Variants in LHFPL2 observed in about 807,000 individuals in gnomAD.
LHFPL2 encodes LHFPL tetraspan subfamily member 2, also known as LHFPL tetraspan subfamily member 2 protein.
In LHFPL2, 7 loss-of-function variants were observed where a neutral mutation model predicts 17.5. The observed-to-expected ratio is 0.40, with a 90% CI of 0.23 to 0.75. The LOEUF (loss-of-function observed/expected upper bound fraction) is 0.75. Ranked by LOEUF, LHFPL2 falls within the 30% of genes least tolerant of loss-of-function variation. The pLI is 0.37. For synonymous variants in LHFPL2, 134 were observed against 116.2 expected (o/e 1.15, Z -0.99); for missense variants, 241 against 294.8 (o/e 0.82, Z 1.34).
intron 4 of LHFPL2, among the ~76,000 whole-genome samples, chr5:78,507,680 G>C (rs1754972107): frequency 6.6e-6 from 1 of 152,058 alleles, no homozygotes; most frequent in Non-Finnish European, 1.5e-5. Flanking sequence ...AGGATAAGAA[G>C]CACTCCTACA....
chr5:78,592,924 G>C (rs1475334341), intron 2 of LHFPL2, among the ~76,000 whole-genome samples: 2 of 152,182 alleles, frequency 1.3e-5, no homozygotes, highest in African/African-American at 4.8e-5. Flanking sequence ...AAGAGTTCTG[G>C]AGCTGGTGGT....
intron 3 of LHFPL2, among the ~76,000 whole-genome samples, chr5:78,536,199 G>A (rs373791896): frequency 2.0e-5 from 3 of 152,180 alleles, no homozygotes; most frequent in Admixed American, 1.3e-4. Context: ...AACTCATTTC[G>A]GGGCTGGGGA....
At chr5:78,500,881 G>A (rs1363847860) in intron 4 of LHFPL2, among the ~76,000 whole-genome samples, 3 of 152,112 alleles carry the variant, frequency 2.0e-5, no homozygotes, top group African/African-American at 4.8e-5. Context: ...TAGGAGGGCC[G>A]GGTCTATATC....
intron 3 of LHFPL2, among the ~76,000 whole-genome samples, chr5:78,553,699 C>A (rs1383103766): frequency 2.0e-5 from 3 of 152,356 alleles, no homozygotes; most frequent in South Asian, 2.1e-4. Flanking sequence ...TTTCCTTCCC[C>A]AGGAATTTCC....
intron 1 of LHFPL2, among the ~76,000 whole-genome samples, chr5:78,635,775 C>T (rs187093749): frequency 0.033 from 5,026 of 152,216 alleles, 308 homozygotes; most frequent in African/African-American, 0.11. Flanking sequence ...TGCACTCCAG[C>T]CTGGGTGACA....
intron 2 of LHFPL2, among the ~76,000 whole-genome samples, chr5:78,579,918 C>A (rs762081838): frequency 6.6e-6 from 1 of 152,194 alleles, no homozygotes; most frequent in Non-Finnish European, 1.5e-5. Flanking sequence ...CTTGAGGAAT[C>A]GCCACACTGA....
intron 2 of LHFPL2, among the ~76,000 whole-genome samples, chr5:78,623,232 C>T (rs1482960757): frequency 2.0e-5 from 3 of 152,254 alleles, no homozygotes; most frequent in East Asian, 1.9e-4. Flanking sequence ...AAGAAAACCA[C>T]GAATATGAAC....
rs1754248366 is a variant in LHFPL2, at chr5:78,486,541, G to A, written c.*2356C>T. 1 of 152,210 alleles carries A rather than the reference G, an allele frequency of 6.6e-6. No individual in the cohort carries two copies. 9.4% of individuals were successfully genotyped at this position (152,210 alleles called of 1,614,324 possible). On this transcript the variant is annotated 3_prime_UTR_variant, in exon 5 of 5. Transcript: ENST00000380345. ...TCCTTTCATCCCAAGCCTGGCTAAT[G>A]GATTCAAGGTTTAAAAGTCCCAACA... is the stretch of plus-strand genomic sequence containing the variant.
intron 3 of LHFPL2, among the ~76,000 whole-genome samples, chr5:78,563,906 GAAC>G (rs1756795213): frequency 6.6e-6 from 1 of 152,164 alleles, no homozygotes; most frequent in Non-Finnish European, 1.5e-5. Context: ...GAAGTTGTTA[GAAC>G]AACTTAACAT....
chr5:78,532,476 T>C (rs1755815499), intron 3 of LHFPL2, among the ~76,000 whole-genome samples: 1 of 152,130 alleles, frequency 6.6e-6, no homozygotes, highest in African/African-American at 2.4e-5. Flanking sequence ...CTATTGATGA[T>C]GAAGCAGAAA....
At chr5:78,628,195 G>T (rs1304748776) in intron 2 of LHFPL2, among the ~76,000 whole-genome samples, 1 of 152,164 alleles carries the variant, frequency 6.6e-6, no homozygotes, top group Non-Finnish European at 1.5e-5. Context: ...CTGTGATAAA[G>T]ACCTCAAAAG....
chr5:78,638,203 A>C (rs1561376954), intron 1 of LHFPL2, among the ~76,000 whole-genome samples: 1 of 152,066 alleles, frequency 6.6e-6, no homozygotes, highest in Non-Finnish European at 1.5e-5. Context: ...AAATACAAAA[A>C]AATTAGCCAG....
intron 1 of LHFPL2, chr5:78,641,958 T>C (rs1460567743): frequency 6.8e-6 from 1 of 147,688 alleles, no homozygotes; most frequent in East Asian, 2.0e-4. Context: ...CAAGCTGCTA[T>C]AATAAAATAC....
chr5:78,647,038 C>T (rs1745908509), intron 1 of LHFPL2, among the ~76,000 whole-genome samples: 1 of 152,178 alleles, frequency 6.6e-6, no homozygotes, highest in African/African-American at 2.4e-5. Context: ...CCACAGTCTG[C>T]TCTCCATGTG....
At chr5:78,571,807 T>C (rs926243294) in intron 2 of LHFPL2, among the ~76,000 whole-genome samples, 3 of 152,216 alleles carry the variant, frequency 2.0e-5, no homozygotes, top group African/African-American at 7.2e-5. Context: ...ATAAGGTGGA[T>C]ATACAGAGAC....
chr5:78,610,456 C>CA (rs1744379920), intron 2 of LHFPL2, among the ~76,000 whole-genome samples: 1 of 152,174 alleles, frequency 6.6e-6, no homozygotes, highest in Admixed American at 6.5e-5. Flanking sequence ...ATGAGTAAGC[C>CA]AAATACTGGC....
At chr5:78,570,496 T>C (rs1436840072) in intron 2 of LHFPL2, among the ~76,000 whole-genome samples, 2 of 151,982 alleles carry the variant, frequency 1.3e-5, no homozygotes, top group Admixed American at 1.3e-4. Context: ...TATTGTAGGG[T>C]AGCCCTAGAC....
In LHFPL2 at chr5:78,510,243, G is replaced by A. The variant is rs756022655; in HGVS notation, c.-30C>T. ...ATGTTCCGGGCGAAGAAAGAGTCAGGAGTCCACGGAGTTAATCAAAACAAG... is the reference window on the plus strand; with the variant it reads ...ATGTTCCGGGCGAAGAAAGAGTCAGAAGTCCACGGAGTTAATCAAAACAAG... On this transcript the variant is annotated 5_prime_UTR_variant, in exon 4 of 5. Transcript: ENST00000380345. 2.2e-5 allele frequency: 34 copies of A among 1,539,164 alleles called. No individual in the cohort carries two copies. Among genetic ancestry groups the A allele is most frequent in the Non-Finnish European group, 3.0e-5 (34 of 1,141,726 alleles).
At chr5:78,578,483 G>C (rs1757188984) in intron 2 of LHFPL2, among the ~76,000 whole-genome samples, 1 of 151,954 alleles carries the variant, frequency 6.6e-6, no homozygotes, top group Non-Finnish European at 1.5e-5. Context: ...TCCTTCTCTT[G>C]CAAGACGGAA....
Sources: gnomAD v4.1 joint callset for allele counts (sites outside exome capture counted in the v4.1 genomes callset) on GRCh38, gnomAD v4.1.1 for gene constraint, MANE v1.5 for transcripts, NCBI Gene and HGNC (gene_info 2026-07-23, HGNC 2026-07-21) for gene names.